Variants in MAST2 observed in about 807,000 individuals in gnomAD.
MAST2 encodes the protein microtubule associated serine/threonine kinase 2, also known as microtubule-associated serine/threonine-protein kinase 2.
Under a neutral mutation model 147.4 loss-of-function variants are expected in MAST2, and 70 were observed. The observed-to-expected ratio is 0.47, with a 90% confidence interval of 0.39 to 0.58. MAST2 has a LOEUF of 0.58. MAST2 is among the 20% of genes least tolerant of loss of function. The probability of loss-of-function intolerance (pLI) is 0.00; values close to 1 mark genes in which losing one functional copy is unlikely to be tolerated. For missense variants in MAST2, 2,080 were observed against 2,302.3 expected, an observed-to-expected ratio of 0.90 and a Z score of 1.98; for synonymous variants, 869 against 896.8, an observed-to-expected ratio of 0.97 and a Z score of 0.55.
chr1:45,895,810 G>A (rs1349116778), intron 4 of MAST2, among the ~76,000 whole-genome samples: 2 of 152,070 alleles, frequency 1.3e-5, no homozygotes, highest in African/African-American at 4.8e-5. Context: ...AATTGAAAAT[G>A]GCAAAATGTC....
intron 1 of MAST2, among the ~76,000 whole-genome samples, chr1:45,821,155 C>T (rs965244793): frequency 6.6e-6 from 1 of 152,016 alleles, no homozygotes; most frequent in Non-Finnish European, 1.5e-5. Flanking sequence ...CTACCTTGGC[C>T]TCCCAGAGTG....
At chr1:45,955,385 CTA>C (rs1659512551) in intron 4 of MAST2, among the ~76,000 whole-genome samples, 1 of 152,000 alleles carries the variant, frequency 6.6e-6, no homozygotes, top group African/African-American at 2.4e-5. Context: ...AGCTGTTATA[CTA>C]TATTTTTAAA....
chr1:45,968,024 A>G (rs557213945), intron 5 of MAST2, among the ~76,000 whole-genome samples: 2 of 152,296 alleles, frequency 1.3e-5, no homozygotes, highest in East Asian at 3.9e-4. Flanking sequence ...AAAATGCAAA[A>G]CTTTTTAAGC....
chr1:45,988,449 CAT>C (rs1247088313), intron 5 of MAST2, among the ~76,000 whole-genome samples: 2 of 152,166 alleles, frequency 1.3e-5, no homozygotes, highest in Non-Finnish European at 2.9e-5. Flanking sequence ...AGTCAGAAAA[CAT>C]ATTTTATATG....
intron 4 of MAST2, among the ~76,000 whole-genome samples, chr1:45,957,524 A>G (rs1390122587): frequency 6.6e-6 from 1 of 152,136 alleles, no homozygotes; most frequent in East Asian, 1.9e-4. Context: ...TTTCTGGCAC[A>G]ATCATTGGCT....
At chr1:45,901,014 A>G (rs1364636785) in intron 4 of MAST2, among the ~76,000 whole-genome samples, 6 of 151,890 alleles carry the variant, frequency 4.0e-5, no homozygotes, top group Non-Finnish European at 7.4e-5. Flanking sequence ...ATTAAGTCTC[A>G]TTTGTCCATT....
intron 4 of MAST2, among the ~76,000 whole-genome samples, chr1:45,893,988 G>T (rs1173551006): frequency 6.6e-6 from 1 of 152,144 alleles, no homozygotes; most frequent in Non-Finnish European, 1.5e-5. Flanking sequence ...GCCAAGGTGG[G>T]AGGATTGCTT....
chr1:45,813,478 C>T (rs934734770), intron 1 of MAST2, among the ~76,000 whole-genome samples: 22 of 149,842 alleles, frequency 1.5e-4, no homozygotes, highest in Non-Finnish European at 2.4e-4. Context: ...TACAGGCAGC[C>T]GCCACCACGC....
intron 5 of MAST2, among the ~76,000 whole-genome samples, chr1:45,975,488 G>A (rs1199710572): frequency 1.3e-5 from 1 of 76,796 alleles, no homozygotes; most frequent in Non-Finnish European, 2.3e-5. Context: ...GTGAGTCCCT[G>A]TCTCTCCAAA....
intron 1 of MAST2, among the ~76,000 whole-genome samples, chr1:45,816,639 G>A (rs1165331340): frequency 6.6e-6 from 1 of 152,128 alleles, no homozygotes; most frequent in Non-Finnish European, 1.5e-5. Context: ...ATGCATCAGA[G>A]TCCTTTAATA....
At chr1:46,009,177 C>T (rs1014110589) in intron 9 of MAST2, among the ~76,000 whole-genome samples, 4 of 152,202 alleles carry the variant, frequency 2.6e-5, no homozygotes, top group African/African-American at 9.7e-5. Context: ...GCCTCAGCCT[C>T]CCGAGATGCT....
At chr1:45,942,682 T>C (rs1466634754) in intron 4 of MAST2, among the ~76,000 whole-genome samples, 1 of 152,168 alleles carries the variant, frequency 6.6e-6, no homozygotes, top group Non-Finnish European at 1.5e-5. Flanking sequence ...TGAAGGTGAC[T>C]AGGAAATGTT....
chr1:45,902,411 T>G (rs1227337882), intron 4 of MAST2, among the ~76,000 whole-genome samples: 1 of 152,304 alleles, frequency 6.6e-6, no homozygotes, highest in East Asian at 1.9e-4. Flanking sequence ...ATTTTTACAT[T>G]CATGTTCATC....
Position 46,034,067 on chromosome 1 carries a change from C to G in MAST2, c.3675-6C>G. 6.2e-7 allele frequency: 1 copy of G among 1,611,986 alleles called. No homozygotes were observed. The highest frequency in any genetic ancestry group is 8.5e-7 in the Non-Finnish European group (1 of 1,178,866). On this transcript the variant is annotated splice_polypyrimidine_tract_variant and splice_region_variant and intron_variant, in intron 27 of 28. Transcript: ENST00000361297. ...CCGACTCAGCCTTTGACCCTTATCCCCGCAGCAGAAAAAGGAGCTCCCTGT... is the reference window on the plus strand; with the variant it reads ...CCGACTCAGCCTTTGACCCTTATCCGCGCAGCAGAAAAAGGAGCTCCCTGT...
At chr1:45,950,748 G>A (rs2148860137) in intron 4 of MAST2, among the ~76,000 whole-genome samples, 1 of 152,256 alleles carries the variant, frequency 6.6e-6, no homozygotes, top group South Asian at 2.1e-4. Flanking sequence ...TCCCCTAAGT[G>A]AAAATCAATA....
chr1:45,848,831 C>T (rs539498575), intron 3 of MAST2, among the ~76,000 whole-genome samples: 3 of 152,098 alleles, frequency 2.0e-5, no homozygotes, highest in South Asian at 4.2e-4. Context: ...TGTAGAAAAC[C>T]CCATCATCTT....
chr1:45,989,757 G>A (rs567522729), intron 5 of MAST2, among the ~76,000 whole-genome samples: 65 of 151,606 alleles, frequency 4.3e-4, no homozygotes, highest in East Asian at 2.1e-3. Context: ...ATCATTTCCC[G>A]CTGGCACCAT....
intron 3 of MAST2, among the ~76,000 whole-genome samples, chr1:45,878,096 TG>T (rs1313862702): frequency 6.6e-6 from 1 of 150,774 alleles, no homozygotes; most frequent in East Asian, 1.9e-4. Flanking sequence ...CCCAGTTACT[TG>T]GGAGGCTGAG....
intron 4 of MAST2, among the ~76,000 whole-genome samples, chr1:45,953,601 G>C (rs1471990325): frequency 3.4e-5 from 2 of 59,298 alleles, no homozygotes; most frequent in South Asian, 1.4e-3. Flanking sequence ...AGCCTTGAAG[G>C]AGTGAGGGAT....
Sources: allele counts gnomAD v4.1 joint callset (sites outside exome capture counted in the v4.1 genomes callset), GRCh38; gene constraint gnomAD v4.1.1; transcripts MANE v1.5; gene names NCBI Gene and HGNC (gene_info 2026-07-23, HGNC 2026-07-21).